CSTL1: variants seen among roughly 807,000 people sequenced by gnomAD.
CSTL1 encodes the protein cystatin like 1.
Under a neutral mutation model 14.4 loss-of-function variants are expected in CSTL1, and 14 were observed. The ratio of observed to expected loss-of-function variants is 0.97; its 90% CI spans 0.64 to 1.52. The LOEUF is 1.52. CSTL1 is among the 40% of genes most tolerant of loss of function. The pLI is 0.00. For missense variants in CSTL1, 170 were observed against 168.7 expected, an observed-to-expected ratio of 1.01 and a Z score of -0.04; for synonymous variants, 72 against 67.5, an observed-to-expected ratio of 1.07 and a Z score of -0.33.
At chr20:23,442,817 C>A (rs1986866437) in intron 2 of CSTL1, among the ~76,000 whole-genome samples, 2 of 152,216 alleles carry the variant, frequency 1.3e-5, no homozygotes. Flanking sequence ...CAGGGCAAGG[C>A]AACAGGGAGC....
chr20:23,440,494 C>G lies in CSTL1; in HGVS notation c.219+8C>G, dbSNP rs1568634777. On this transcript the variant is annotated splice_region_variant and intron_variant, in intron 2 of 3. Coordinates refer to ENST00000347397, the MANE Select transcript of CSTL1 (RefSeq NM_138283.1). Reference sequence around the variant, plus strand: ...ATTCGAAGTCAGATGCAGGTTTGTACCTTGCTCTCCCAAGACATCAGCAGG... The same window carrying G: ...ATTCGAAGTCAGATGCAGGTTTGTAGCTTGCTCTCCCAAGACATCAGCAGG... 4 of 1,596,538 alleles carry G rather than the reference C, an allele frequency of 2.5e-6. No homozygotes were observed. In the East Asian group the frequency reaches 8.9e-5, roughly 36 times the overall value.
the CSTL1 span, among the ~76,000 whole-genome samples, chr20:23,460,690 C>T: frequency 6.6e-6 from 1 of 152,172 alleles, no homozygotes; most frequent in Non-Finnish European, 1.5e-5. Flanking sequence ...TTCACATAAA[C>T]AAAAGGCACA....
At chr20:23,455,630 C>G in the CSTL1 span, among the ~76,000 whole-genome samples, 3 of 152,226 alleles carry the variant, frequency 2.0e-5, no homozygotes, top group African/African-American at 7.2e-5. Flanking sequence ...ATGTTCATCT[C>G]CGACCTCAGT....
the CSTL1 span, among the ~76,000 whole-genome samples, chr20:23,460,098 C>T: frequency 1.3e-5 from 2 of 152,204 alleles, no homozygotes; most frequent in African/African-American, 4.8e-5. Context: ...CCCTGCTGGC[C>T]TCCCCAAGTC....
the CSTL1 span, chr20:23,452,867 G>T: frequency 7.3e-7 from 1 of 1,373,556 alleles, no homozygotes; most frequent in South Asian, 1.2e-5. Context: ...GGGACAAGTC[G>T]AATCACACTG....
At chr20:23,451,965 C>T in the CSTL1 span, 12 of 1,471,216 alleles carry the variant, frequency 8.2e-6, no homozygotes, top group African/African-American at 2.8e-5. Flanking sequence ...TCCCCTTCTC[C>T]CCTGTCTGCG....
chr20:23,455,592 T>G, the CSTL1 span, among the ~76,000 whole-genome samples: 1 of 152,228 alleles, frequency 6.6e-6, no homozygotes, highest in African/African-American at 2.4e-5. Flanking sequence ...CCCTCCCATG[T>G]GTGCTTTGCA....
intron 2 of CSTL1, among the ~76,000 whole-genome samples, chr20:23,441,932 C>T (rs1986843136): frequency 6.6e-6 from 1 of 152,152 alleles, no homozygotes; most frequent in Admixed American, 6.5e-5. Context: ...GTGGGGAGGA[C>T]CAGTCAGCAT....
At chr20:23,451,908 G>T in the CSTL1 span, 1 of 1,613,800 alleles carries the variant, frequency 6.2e-7, no homozygotes, top group South Asian at 1.1e-5. Flanking sequence ...TGATACTCCA[G>T]GTGGTCAGTG....
chr20:23,442,624 T>C (rs1287005626), intron 2 of CSTL1, among the ~76,000 whole-genome samples: 1 of 152,190 alleles, frequency 6.6e-6, no homozygotes, highest in Admixed American at 6.5e-5. Context: ...CAAATGCCCA[T>C]GCATGGATGG....
chr20:23,440,295 C>T lies in CSTL1; in HGVS notation c.28C>T (p.Leu10=). The T allele has an allele frequency of 2.5e-6, 4 of 1,614,070 alleles. No homozygotes were observed. Among genetic ancestry groups the T allele is most frequent in the Non-Finnish European group, 3.4e-6 (4 of 1,179,972 alleles). The change falls in exon 2 of 4, where the codon CTG becomes TTG. Residue 10 remains leucine, a synonymous_variant. Transcript: ENST00000347397. Reference sequence around the variant, plus strand: ...GGGGATCGGATGCTGGAGAAACCCCCTGCTGCTGCTGATTGCCCTGGTCCT... The same window carrying T: ...GGGGATCGGATGCTGGAGAAACCCCTTGCTGCTGCTGATTGCCCTGGTCCT... MGIGCWRNP[L]LLLIALVLSA... is the part of the protein sequence containing the mutation.
At chr20:23,454,512 G>T in the CSTL1 span, among the ~76,000 whole-genome samples, 80 of 152,254 alleles carry the variant, frequency 5.3e-4, 1 homozygote, top group African/African-American at 1.9e-3. Context: ...ATGGACCTCA[G>T]GGTTCACTCC....
chr20:23,454,492 C>T, the CSTL1 span, among the ~76,000 whole-genome samples: 2 of 152,156 alleles, frequency 1.3e-5, no homozygotes, highest in African/African-American at 4.8e-5. Flanking sequence ...CACACACACT[C>T]CCAAAACTCA....
the CSTL1 span, chr20:23,459,545 T>TCACACA: frequency 4.0e-5 from 6 of 150,696 alleles, no homozygotes; most frequent in South Asian, 6.3e-4. Context: ...CTGACAATGT[T>TCACACA]CACACACACA....
At chr20:23,452,816 C>A in the CSTL1 span, 1 of 1,609,280 alleles carries the variant, frequency 6.2e-7, no homozygotes. Flanking sequence ...CATCATCCTT[C>A]AGCTGCAGAG....
downstream of CSTL1, among the ~76,000 whole-genome samples, chr20:23,445,548 C>T (rs76308965): frequency 0.015 from 2,319 of 152,242 alleles, 30 homozygotes; most frequent in Middle Eastern, 0.024. Context: ...CGTGAGCTAC[C>T]GCACCCACCC....
the CSTL1 span, among the ~76,000 whole-genome samples, chr20:23,454,193 ACT>A: frequency 1.3e-5 from 2 of 151,294 alleles, no homozygotes; most frequent in African/African-American, 4.9e-5. Context: ...ACACAATGAC[ACT>A]CACACTGAAA....
At chr20:23,444,126 C>A in intron 3 of CSTL1, 82 bp downstream of exon 3, 2 of 1,295,038 alleles carry the variant, frequency 1.5e-6, no homozygotes, top group Admixed American at 3.7e-5. Flanking sequence ...AGTTTTGCCA[C>A]TTGTGTGGAT....
chr20:23,455,258 G>A, the CSTL1 span, among the ~76,000 whole-genome samples: 1 of 152,220 alleles, frequency 6.6e-6, no homozygotes, highest in Middle Eastern at 3.4e-3. Context: ...TTCAACTCTT[G>A]TGTGCTTAAA....
Sources: allele counts gnomAD v4.1 joint callset (sites outside exome capture counted in the v4.1 genomes callset), GRCh38; gene constraint gnomAD v4.1.1; transcripts MANE v1.5; gene names NCBI Gene and HGNC (gene_info 2026-07-23, HGNC 2026-07-21).